FAM13B: variants seen among roughly 807,000 people sequenced by gnomAD.
FAM13B encodes protein FAM13B.
A neutral mutation model predicts 117.3 loss-of-function variants in FAM13B; 60 were observed. The ratio of observed to expected loss-of-function variants is 0.51; its 90% confidence interval spans 0.42 to 0.63. FAM13B has a LOEUF of 0.63. Among genes scored for constraint, FAM13B ranks in the 30% least tolerant of loss-of-function variants. FAM13B has a pLI of 0.00. For missense variants in FAM13B, 972 were observed against 1,091.9 expected (o/e 0.89, Z 1.55); for synonymous variants, 332 against 356.1 (o/e 0.93, Z 0.76).
At chr5:137,952,823 C>T in intron 16 of FAM13B, 114 bp from the exon 17 acceptor site, 1 of 641,070 alleles carries the variant, frequency 1.6e-6, no homozygotes, top group Non-Finnish European at 2.6e-6. Flanking sequence ...ATTCTCATTT[C>T]ATCTTATTTT....
At chr5:138,016,437 C>A (rs1375272220) in intron 4 of FAM13B, among the ~76,000 whole-genome samples, 2 of 152,100 alleles carry the variant, frequency 1.3e-5, no homozygotes, top group Non-Finnish European at 2.9e-5. Flanking sequence ...CCTGCTTGGG[C>A]AACATAGCAA....
chr5:137,965,871 G>A (rs949745291), intron 10 of FAM13B, among the ~76,000 whole-genome samples: 3 of 152,170 alleles, frequency 2.0e-5, no homozygotes, highest in African/African-American at 7.2e-5. Flanking sequence ...CACCATCAAT[G>A]AAGGTACCCT....
At position 138,007,076 on chromosome 5, in the gene FAM13B, A is replaced by C; in HGVS notation, c.762T>G (p.Gly254=). Residue 254 remains glycine (G), a synonymous_variant, in exon 7 of 24, where the codon GGT becomes GGG. Transcript: ENST00000689681. ...LEHIEELPEE[G]AEKSNDMPEV... is the part of the protein sequence containing the mutation. ...CTGGCATGTCATTTGATTTTTCTGC[A>C]CCCTCTTCTGGAAGTTCTTCAATAT... is the stretch of plus-strand genomic sequence containing the variant. The C allele has an allele frequency of 6.2e-7, 1 of 1,613,568 alleles. No individual in the cohort carries two copies. Among genetic ancestry groups the C allele is most frequent in the African/African-American group, 1.3e-5 (1 of 75,020 alleles).
In FAM13B at chr5:137,959,752, G is replaced by C. The variant is rs766237699; in HGVS notation, c.1305C>G (p.Ser435Arg). The C allele has an allele frequency of 3.7e-6, 6 of 1,613,380 alleles. No homozygotes were observed. In the African/African-American group the frequency reaches 8.0e-5, roughly 22 times the overall value. The change falls in exon 13 of 24, where the codon AGC becomes AGG. Residue 435 changes from serine (S) to arginine (R), a missense_variant. By Grantham distance (110) the Ser-to-Arg change is moderately radical. Transcript: ENST00000689681. ...TGTTGGCATTCAAATCACATATCTTGCTACTAGAATCCTGTATTTTAAAAT... is the reference window on the plus strand; with the variant it reads ...TGTTGGCATTCAAATCACATATCTTCCTACTAGAATCCTGTATTTTAAAAT... ...KLSHLILDSS[S>R]KICDLNANTE...
At chr5:137,963,667 C>T (rs1173314871) in intron 10 of FAM13B, among the ~76,000 whole-genome samples, 9 of 152,152 alleles carry the variant, frequency 5.9e-5, no homozygotes, top group Non-Finnish European at 8.8e-5. Flanking sequence ...CGGTACCGAT[C>T]GCTAGCCTGT....
At chr5:137,967,369 C>A (rs1235431460) in intron 10 of FAM13B, among the ~76,000 whole-genome samples, 6 of 151,920 alleles carry the variant, frequency 3.9e-5, no homozygotes, top group African/African-American at 1.4e-4. Context: ...AGTAAAAATA[C>A]AAAAGTTAGC....
chr5:137,981,987 C>T (rs1044973348), intron 10 of FAM13B, among the ~76,000 whole-genome samples: 20 of 152,120 alleles, frequency 1.3e-4, no homozygotes, highest in Admixed American at 7.2e-4. Flanking sequence ...CCAGATAGGA[C>T]TTATGATTTA....
intron 20 of FAM13B, among the ~76,000 whole-genome samples, chr5:137,944,115 T>C (rs1395613727): frequency 1.3e-5 from 2 of 152,228 alleles, no homozygotes; most frequent in East Asian, 1.9e-4. Flanking sequence ...AATGGGATCA[T>C]ATAATATGTG....
chr5:138,048,230 T>C (rs773293251), intron 1 of FAM13B, among the ~76,000 whole-genome samples: 14 of 152,202 alleles, frequency 9.2e-5, no homozygotes, highest in Non-Finnish European at 1.8e-4. Context: ...TAATTTGTTA[T>C]AGCAATTAAA....
chr5:138,011,906 A>C lies in FAM13B; in HGVS notation c.410T>G (p.Phe137Cys). Residue 137 changes from phenylalanine (F) to cysteine (C), a missense_variant, in exon 5 of 24, where the codon TTC becomes TGC. Coordinates refer to ENST00000689681, the MANE Select transcript of FAM13B (RefSeq NM_001385994.1). Reference sequence around the variant, plus strand: ...AACAGGTGGAAGCTGTTGCAAGAGGAACCTCAACTTTCTTCCAAATTCATC... The same window carrying C: ...AACAGGTGGAAGCTGTTGCAAGAGGCACCTCAACTTTCTTCCAAATTCATC... The part of the protein sequence containing the change: ...NEDEFGRKLR[F>C]LLQQLPPVNY... The C allele has an allele frequency of 6.3e-7, 1 of 1,595,356 alleles. No individual in the cohort carries two copies. The highest frequency in any genetic ancestry group is 8.5e-7 in the Non-Finnish European group (1 of 1,175,032).
At position 137,988,407 on chromosome 5, in the gene FAM13B, C is replaced by G. The variant is rs551920495; in HGVS notation, c.849-92G>C. 8 of 933,416 alleles carry G rather than the reference C, an allele frequency of 8.6e-6. No homozygotes were observed. The Admixed American group carries it at 2.1e-4, about 24-fold the overall frequency. 57.8% of individuals were successfully genotyped at this position (933,416 alleles called of 1,614,324 possible). On this transcript the variant is annotated intron_variant, in intron 7 of 23. Transcript: ENST00000689681. Reference sequence around the variant, plus strand: ...ATCTGCCATATTTGCACTACCTTGACACAACCAGGAGAGCACATACTAAGT... The same window carrying G: ...ATCTGCCATATTTGCACTACCTTGAGACAACCAGGAGAGCACATACTAAGT...
intron 10 of FAM13B, among the ~76,000 whole-genome samples, chr5:137,970,618 T>C (rs958291236): frequency 5.9e-5 from 9 of 151,900 alleles, no homozygotes; most frequent in South Asian, 2.1e-4. Flanking sequence ...CAATATTAAC[T>C]TTAAATGTAA....
intron 7 of FAM13B, among the ~76,000 whole-genome samples, chr5:137,998,318 G>A (rs1032437927): frequency 2.6e-5 from 4 of 152,166 alleles, no homozygotes; most frequent in African/African-American, 9.7e-5. Flanking sequence ...CCAGCCACTT[G>A]AAACTTTTTA....
chr5:138,021,419 C>T (rs1008489740), intron 1 of FAM13B, among the ~76,000 whole-genome samples: 1 of 152,106 alleles, frequency 6.6e-6, no homozygotes, highest in South Asian at 2.1e-4. Context: ...AATAAATAAA[C>T]GAATTGCAAA....
chr5:137,959,597 T>C lies in FAM13B; in HGVS notation c.1441+19A>G, dbSNP rs368741204. 1.2e-6 allele frequency: 2 copies of C among 1,613,234 alleles called. No individual in the cohort carries two copies. The highest frequency in any genetic ancestry group is 1.7e-6 in the Non-Finnish European group (2 of 1,179,316). ...ACAAGTAACATTATCAGGAAAATAATGCGTGTGGGTAAAATTACCTTCCCA... is the reference window on the plus strand; with the variant it reads ...ACAAGTAACATTATCAGGAAAATAACGCGTGTGGGTAAAATTACCTTCCCA... On this transcript the variant is annotated intron_variant, in intron 13 of 23. Coordinates refer to ENST00000689681, the MANE Select transcript of FAM13B (RefSeq NM_001385994.1).
chr5:138,038,511 G>A (rs922156714), intron 1 of FAM13B: 1 of 152,196 alleles, frequency 6.6e-6, no homozygotes, highest in African/African-American at 2.4e-5. Context: ...GGGAAGAAAG[G>A]AAGAACTAAA....
At chr5:138,024,817 AG>A (rs1193207322) in intron 1 of FAM13B, among the ~76,000 whole-genome samples, 4 of 12,088 alleles carry the variant, frequency 3.3e-4, no homozygotes, top group African/African-American at 6.4e-4. Context: ...ACACACAGAG[AG>A]AGAGAGAGAG....
At chr5:138,023,660 C>A (rs1383635015) in intron 1 of FAM13B, among the ~76,000 whole-genome samples, 1 of 152,130 alleles carries the variant, frequency 6.6e-6, no homozygotes. Flanking sequence ...CTCAACCTCC[C>A]CAGACCTACG....
At chr5:137,969,536 T>C (rs551283230) in intron 10 of FAM13B, among the ~76,000 whole-genome samples, 1 of 152,132 alleles carries the variant, frequency 6.6e-6, no homozygotes, top group African/African-American at 2.4e-5. Context: ...AACTGGAAAC[T>C]CTAAAAAGCA....
Sources: gnomAD v4.1 joint callset for allele counts (sites outside exome capture counted in the v4.1 genomes callset) on GRCh38, gnomAD v4.1.1 for gene constraint, MANE v1.5 for transcripts, NCBI Gene and HGNC (gene_info 2026-07-23, HGNC 2026-07-21) for gene names.